CRB1: variants seen among roughly 807,000 people sequenced by gnomAD.
CRB1 encodes crumbs cell polarity complex component 1, also known as protein crumbs homolog 1.
In CRB1, 83 loss-of-function variants were observed where a neutral mutation model predicts 120.0. The observed-to-expected ratio is 0.69, with a 90% CI of 0.58 to 0.83. CRB1 has a LOEUF of 0.83. Ranked by LOEUF, CRB1 falls within the 40% of genes least tolerant of loss-of-function variation. CRB1 has a pLI of 0.00. For synonymous variants in CRB1, 625 were observed against 612.5 expected (o/e 1.02, Z -0.30); for missense variants, 1,699 against 1,687.6 (o/e 1.01, Z -0.12).
intron 1 of CRB1, among the ~76,000 whole-genome samples, chr1:197,299,570 A>AAT (rs34254994): frequency 3.3e-5 from 5 of 151,960 alleles, no homozygotes; most frequent in Admixed American, 2.6e-4. Flanking sequence ...ATGTAAAAAA[A>AAT]GTTCATACAG....
At chr1:197,472,295 G>C (rs6670147) in intron 11 of CRB1, among the ~76,000 whole-genome samples, 143,227 of 152,260 alleles carry the variant, frequency 0.94, 68,021 homozygotes, top group East Asian at 1. Flanking sequence ...ATTCATTCCA[G>C]TGTGGTGTTT....
At chr1:197,283,262 T>A (rs1282768668) in intron 1 of CRB1, among the ~76,000 whole-genome samples, 1 of 151,778 alleles carries the variant, frequency 6.6e-6, no homozygotes, top group African/African-American at 2.4e-5. Flanking sequence ...TTTCCTATGT[T>A]TTTTGGGGGG....
chr1:197,422,485 C>A (rs1664386829), intron 6 of CRB1, among the ~76,000 whole-genome samples: 1 of 143,642 alleles, frequency 7.0e-6, no homozygotes, highest in Non-Finnish European at 1.5e-5. Flanking sequence ...CAATTTTATT[C>A]AAAGGTATCT....
At chr1:197,402,418 A>T (rs1663113193) in intron 5 of CRB1, among the ~76,000 whole-genome samples, 1 of 152,218 alleles carries the variant, frequency 6.6e-6, no homozygotes, top group Admixed American at 6.5e-5. Context: ...ATAGTATTCC[A>T]TGGTGTATAT....
intron 1 of CRB1, among the ~76,000 whole-genome samples, chr1:197,300,766 G>C (rs1393901163): frequency 1.3e-5 from 2 of 152,200 alleles, no homozygotes; most frequent in African/African-American, 4.8e-5. Context: ...GACTTTCATA[G>C]CTAGAAAGAA....
intron 8 of CRB1, among the ~76,000 whole-genome samples, chr1:197,432,427 A>G (rs1664918336): frequency 6.6e-6 from 1 of 151,662 alleles, no homozygotes; most frequent in Non-Finnish European, 1.5e-5. Context: ...ATAAGATCAA[A>G]GGAATTGATT....
At chr1:197,380,382 T>C (rs1212039048) in intron 5 of CRB1, among the ~76,000 whole-genome samples, 1 of 152,200 alleles carries the variant, frequency 6.6e-6, no homozygotes, top group African/African-American at 2.4e-5. Flanking sequence ...ATTTCTCATC[T>C]TAACCTACTT....
intron 5 of CRB1, 173 bp downstream of exon 5, chr1:197,357,186 C>A: frequency 7.1e-6 from 5 of 702,968 alleles, no homozygotes; most frequent in Non-Finnish European, 1.3e-5. Flanking sequence ...TTTCAGAATT[C>A]CTCAAATCAC....
intron 7 of CRB1, among the ~76,000 whole-genome samples, chr1:197,428,696 G>A (rs2125487018): frequency 6.6e-6 from 1 of 152,302 alleles, no homozygotes; most frequent in East Asian, 1.9e-4. Flanking sequence ...CATTTTCAAT[G>A]TACTAGGCAC....
At chr1:197,251,933 C>T in the CRB1 span, among the ~76,000 whole-genome samples, 1 of 151,922 alleles carries the variant, frequency 6.6e-6, no homozygotes, top group Admixed American at 6.6e-5. Flanking sequence ...TTGTTAGTTA[C>T]CAGAAATTGA....
the CRB1 span, among the ~76,000 whole-genome samples, chr1:197,228,677 A>G: frequency 6.6e-6 from 1 of 152,130 alleles, no homozygotes; most frequent in South Asian, 2.1e-4. Context: ...CCCAGTTCCA[A>G]AGTGGCTTCC....
rs542716912 is a variant in CRB1, at chr1:197,347,376, G to C, written c.885G>C (p.Gly295=). The part of the protein sequence containing the change: ...SCNCTGSGFT[G]THCETLMPLC... ...ACTGCACGGGTAGTGGATTCACAGG[G>C]ACACACTGTGAGACCTTGATGCCTC... The change falls in exon 4 of 12, where the codon GGG becomes GGC. Residue 295 remains glycine, a synonymous_variant. Transcript: ENST00000367400. 3.7e-6 allele frequency: 6 copies of C among 1,614,004 alleles called. No individual in the cohort carries two copies. In the African/African-American group the frequency reaches 5.3e-5, roughly 14 times the overall value.
At chr1:197,472,428 A>C (rs750639466) in intron 11 of CRB1, among the ~76,000 whole-genome samples, 2 of 152,182 alleles carry the variant, frequency 1.3e-5, no homozygotes, top group African/African-American at 2.4e-5. Context: ...TTGCAGCATT[A>C]GTTCTTGAAT....
Position 197,339,176 on chromosome 1 carries a change from G to A in CRB1, c.653-5105G>A, listed in dbSNP as rs533159163. 4.9e-4 allele frequency among the ~76,000 whole-genome samples: 74 copies of A among 152,288 alleles called. No homozygotes were observed. In the Middle Eastern group the frequency reaches 0.01, roughly 21 times the overall value. ...CCCACTGAAAATAATAATTATCCAC[G>A]TTTAATCTCTTACAACATCTTGCTA... On this transcript the variant is annotated intron_variant, in intron 2 of 11. Coordinates refer to ENST00000367400, the MANE Select transcript of CRB1 (RefSeq NM_201253.3).
chr1:197,279,563 C>G (rs1655407624), intron 1 of CRB1, among the ~76,000 whole-genome samples: 1 of 145,848 alleles, frequency 6.9e-6, no homozygotes, highest in Non-Finnish European at 1.5e-5. Context: ...AACAACCCCT[C>G]TATGGAGCAA....
At chr1:197,229,426 CT>C in the CRB1 span, among the ~76,000 whole-genome samples, 1 of 147,344 alleles carries the variant, frequency 6.8e-6, no homozygotes, top group Admixed American at 6.8e-5. Context: ...TGTCTTTTCC[CT>C]TCCCCCAATC....
chr1:197,255,846 C>T, the CRB1 span, among the ~76,000 whole-genome samples: 1 of 151,016 alleles, frequency 6.6e-6, no homozygotes, highest in Non-Finnish European at 1.5e-5. Context: ...GAAACAAACT[C>T]CCTTTCTTAA....
upstream of CRB1, among the ~76,000 whole-genome samples, chr1:197,266,931 G>A (rs114809305): frequency 4.9e-3 from 752 of 152,148 alleles, 8 homozygotes; most frequent in African/African-American, 0.017. Context: ...AACGAATGGA[G>A]ATCAAGTTGG....
intron 1 of CRB1, among the ~76,000 whole-genome samples, chr1:197,288,912 G>C (rs555626285): frequency 6.6e-6 from 1 of 150,466 alleles, no homozygotes; most frequent in African/African-American, 2.4e-5. Flanking sequence ...AGAATAAAAA[G>C]TTTTGAAGAA....
Sources: allele counts gnomAD v4.1 joint callset (sites outside exome capture counted in the v4.1 genomes callset), GRCh38; gene constraint gnomAD v4.1.1; transcripts MANE v1.5; gene names NCBI Gene and HGNC (gene_info 2026-07-23, HGNC 2026-07-21).